The following ATRX variants were observed in gnomAD, a reference collection of about 807,000 sequenced individuals.
The protein encoded by ATRX is chromatin remodeler ATRX.
ATRX carries 12 observed loss-of-function variants against 172.6 expected under a neutral mutation model. That is an observed-to-expected ratio of 0.07 (90% CI 0.04 to 0.11). The LOEUF (loss-of-function observed/expected upper bound fraction) is 0.11, where lower values mean the gene tolerates loss of function less well. Ranked by LOEUF, ATRX falls within the 10% of genes least tolerant of loss-of-function variation. The pLI is 1.00. For missense variants in ATRX, 1,368 were observed against 1,767.4 expected (o/e 0.77, Z 4.05); for synonymous variants, 674 against 594.7 (o/e 1.13, Z -1.94).
intron 28 of ATRX, among the ~76,000 whole-genome samples, chrX:77,567,419 A>C (rs782765083): frequency 2.5e-4 from 28 of 111,706 alleles, no homozygotes; most frequent in Non-Finnish European, 4.3e-4. Context: ...AAAACTATAT[A>C]CCGTGCAAAC....
At chrX:77,551,518 G>A (rs1211825072) in intron 30 of ATRX, among the ~76,000 whole-genome samples, 2 of 111,966 alleles carry the variant, frequency 1.8e-5, no homozygotes, top group African/African-American at 3.2e-5. Context: ...AAAATCCCTA[G>A]AAGAAAACCT....
intron 34 of ATRX, among the ~76,000 whole-genome samples, chrX:77,513,980 C>A (rs2062967755): frequency 9.1e-6 from 1 of 110,423 alleles, no homozygotes; most frequent in Admixed American, 9.6e-5. Context: ...AGCAAAGAGG[C>A]AAATCAGGCA....
At chrX:77,739,566 G>A (rs1298017066) in intron 1 of ATRX, among the ~76,000 whole-genome samples, 1 of 110,229 alleles carries the variant, frequency 9.1e-6, no homozygotes, top group African/African-American at 3.3e-5. Context: ...ACTAAACATA[G>A]GGTGCTAATA....
At chrX:77,648,209 T>C (rs1557114836) in intron 15 of ATRX, among the ~76,000 whole-genome samples, 1 of 111,710 alleles carries the variant, frequency 9.0e-6, no homozygotes, top group African/African-American at 3.3e-5. Flanking sequence ...ACTCCTCTGA[T>C]TGGAGAGAAT....
rs183658271 is a variant in ATRX at position 77,716,255 on chromosome X, C to T, written c.133+876G>A. On this transcript the variant is annotated intron_variant, in intron 2 of 34. Coordinates refer to ENST00000373344, the MANE Select transcript of ATRX (RefSeq NM_000489.6). The stretch of plus-strand genomic sequence containing the variant: ...CTGAGGCTGCAGTGAGCTATGATTA[C>T]ACCACTACACTCCAGTCTGGGTGAC... Among the ~76,000 whole-genome samples, 171 of 77,598 alleles carry T rather than the reference C, an allele frequency of 2.2e-3. 2 individuals are homozygous for T. In the East Asian group the frequency reaches 0.044, roughly 20 times the overall value. 67.4% of individuals were successfully genotyped at this position (77,598 alleles called of 115,157 possible).
chrX:77,524,931 C>T (rs1678595936), intron 30 of ATRX, among the ~76,000 whole-genome samples: 3 of 109,573 alleles, frequency 2.7e-5, no homozygotes, highest in Non-Finnish European at 3.8e-5. Flanking sequence ...ATTTTGTAGA[C>T]ATAGGATCTC....
At chrX:77,653,250 A>T (rs1557118165) in intron 14 of ATRX, among the ~76,000 whole-genome samples, 1 of 111,902 alleles carries the variant, frequency 8.9e-6, no homozygotes, top group African/African-American at 3.2e-5. Context: ...AAACACCCAT[A>T]TTCATAGCAG....
chrX:77,527,962 C>T (rs1358710625), intron 30 of ATRX, among the ~76,000 whole-genome samples: 1 of 105,820 alleles, frequency 9.5e-6, no homozygotes, highest in Non-Finnish European at 1.9e-5. Context: ...TTCAACCAGA[C>T]GGACCCACTC....
intron 25 of ATRX, among the ~76,000 whole-genome samples, chrX:77,598,104 A>T (rs1020150589): frequency 3.6e-5 from 4 of 112,113 alleles, no homozygotes; most frequent in Admixed American, 9.5e-5. Context: ...ACACAGCCAC[A>T]ATAAAGAACA....
At chrX:77,531,563 T>G (rs1235759971) in intron 30 of ATRX, among the ~76,000 whole-genome samples, 2 of 112,260 alleles carry the variant, frequency 1.8e-5, no homozygotes, top group Non-Finnish European at 3.8e-5. Flanking sequence ...AAAAAACATC[T>G]TCAATAAAAT....
chrX:77,766,938 C>A (rs2075976817), intron 1 of ATRX, among the ~76,000 whole-genome samples: 1 of 112,696 alleles, frequency 8.9e-6, no homozygotes, highest in African/African-American at 3.2e-5. Context: ...CCATTGAGCA[C>A]TGAGTGAACG....
At chrX:77,663,792 T>C (rs2070064427) in intron 11 of ATRX, among the ~76,000 whole-genome samples, 1 of 111,869 alleles carries the variant, frequency 8.9e-6, no homozygotes, top group African/African-American at 3.3e-5. Context: ...AGGTATAAAA[T>C]ATTTTGCTTT....
intron 20 of ATRX, among the ~76,000 whole-genome samples, chrX:77,619,264 A>T (rs2067485036): frequency 9.0e-6 from 1 of 111,517 alleles, no homozygotes; most frequent in Non-Finnish European, 1.9e-5. Context: ...ATTATTCTTT[A>T]TAAGAGATAT....
At chrX:77,680,569 A>T (rs1221325987) in intron 9 of ATRX, among the ~76,000 whole-genome samples, 1 of 111,500 alleles carries the variant, frequency 9.0e-6, no homozygotes, top group Non-Finnish European at 1.9e-5. Flanking sequence ...AATAGCCAAG[A>T]TTCAAATTAA....
chrX:77,615,300 A>C (rs1383737828), intron 22 of ATRX, among the ~76,000 whole-genome samples: 1 of 111,507 alleles, frequency 9.0e-6, no homozygotes, highest in Admixed American at 9.6e-5. Flanking sequence ...TGCTCAGCCT[A>C]TGATTGGTTA....
At chrX:77,764,816 T>C (rs2075848965) in intron 1 of ATRX, among the ~76,000 whole-genome samples, 1 of 112,242 alleles carries the variant, frequency 8.9e-6, no homozygotes, top group South Asian at 3.6e-4. Context: ...AAATTCAATG[T>C]AGAAACTGCA....
In ATRX at chrX:77,651,217, C is replaced by CAAAAAAAAA. The variant is rs1170232589; in HGVS notation, c.4557+888_4557+896dup. ...GGGTGACAAGAGTGAAACTCCATCTCAAAAAAAAAAAAAAAAAAAAAAAAA... is the reference window on the plus strand; with the variant it reads ...GGGTGACAAGAGTGAAACTCCATCTCAAAAAAAAAAAAAAAAAAAAAAAAAAAAAAAAAA... On this transcript the variant is annotated intron_variant, in intron 15 of 34. Transcript: ENST00000373344. Among the ~76,000 whole-genome samples the CAAAAAAAAA allele has an allele frequency of 5.8e-3, 96 of 16,476 alleles. 9 individuals carry two copies. The highest frequency in any genetic ancestry group is 0.027 in the East Asian group (6 of 219). 14.3% of individuals were successfully genotyped at this position (16,476 alleles called of 115,157 possible).
rs781820607 is a variant in ATRX, at chrX:77,599,826, G to GA, written c.5698-7dup. 8.5e-4 allele frequency: 961 copies of GA among 1,126,320 alleles called. No individual in the cohort carries two copies. The highest frequency in any genetic ancestry group is 1.0e-3 in the Non-Finnish European group (849 of 830,249). 92.8% of individuals were successfully genotyped at this position (1,126,320 alleles called of 1,213,427 possible). ...CTGTCTTCATCAAAATAACCCTAGA[G>GA]AAAAAAAAATGACCACTATTTTAAT... On this transcript the variant is annotated splice_polypyrimidine_tract_variant and splice_region_variant and intron_variant, in intron 23 of 34. Coordinates refer to ENST00000373344, the MANE Select transcript of ATRX (RefSeq NM_000489.6).
At chrX:77,650,540 C>A (rs1299502297) in intron 15 of ATRX, among the ~76,000 whole-genome samples, 1 of 111,383 alleles carries the variant, frequency 9.0e-6, no homozygotes, top group African/African-American at 3.3e-5. Context: ...CATCCAAATA[C>A]AACAGAATAT....
Sources: gnomAD v4.1 joint callset for allele counts (sites outside exome capture counted in the v4.1 genomes callset) on GRCh38, gnomAD v4.1.1 for gene constraint, MANE v1.5 for transcripts, NCBI Gene and HGNC (gene_info 2026-07-23, HGNC 2026-07-21) for gene names.